The following FOXO1 variants were observed in gnomAD, a reference collection of about 807,000 sequenced individuals.
The protein encoded by FOXO1 is forkhead box O1.
Under a neutral mutation model 44.1 loss-of-function variants are expected in FOXO1, and 6 were observed. That is an observed-to-expected ratio of 0.14 (90% CI 0.07 to 0.27). The LOEUF (loss-of-function observed/expected upper bound fraction) is 0.27. FOXO1 is among the 10% of genes least tolerant of loss of function. The pLI is 1.00. For synonymous variants in FOXO1, 380 were observed against 362.7 expected (o/e 1.05, Z -0.54); for missense variants, 737 against 888.8 (o/e 0.83, Z 2.17).
At chr13:40,611,305 T>C (rs1876219314) in intron 1 of FOXO1, among the ~76,000 whole-genome samples, 1 of 152,132 alleles carries the variant, frequency 6.6e-6, no homozygotes, top group Admixed American at 6.5e-5. Context: ...CTATGGTGGG[T>C]TCAGACATTA....
chr13:40,618,163 C>T (rs1017148018), intron 1 of FOXO1, among the ~76,000 whole-genome samples: 3 of 152,150 alleles, frequency 2.0e-5, no homozygotes, highest in Non-Finnish European at 4.4e-5. Context: ...ACTGCAACCC[C>T]GCCTCCCAGG....
At chr13:40,611,120 C>T (rs1311620656) in intron 1 of FOXO1, 1 of 442,390 alleles carries the variant, frequency 2.3e-6, no homozygotes, top group Admixed American at 2.5e-5. Context: ...GGCTGTAAAA[C>T]TCATCGTGAC....
chr13:40,628,965 C>G (rs1209184119), intron 1 of FOXO1, among the ~76,000 whole-genome samples: 1 of 152,186 alleles, frequency 6.6e-6, no homozygotes, highest in East Asian at 1.9e-4. Flanking sequence ...AATACACTTA[C>G]CCAAACTCCC....
At chr13:40,644,073 A>G (rs924007213) in intron 1 of FOXO1, among the ~76,000 whole-genome samples, 1 of 152,230 alleles carries the variant, frequency 6.6e-6, no homozygotes, top group East Asian at 1.9e-4. Flanking sequence ...AATTCTGATC[A>G]TTCTGACGTG....
Position 40,559,914 on chromosome 13 carries a change from C to T in FOXO1, c.1577G>A (p.Gly526Glu). ...AACTGCAGATGTCTGCTGAGCATGT[C>T]CAGGGTGGGTATGGGAGCTGGGATT... ...MMNPSSHTHP[G>E]HAQQTSAVNG... The change falls in exon 2 of 3, where the codon GGA becomes GAA. Residue 526 changes from glycine to glutamate, a missense_variant. Gly to Glu is a moderately conservative substitution (Grantham distance 98). Around this residue, in one of 7 missense-constraint regions of FOXO1, gnomAD observed 283 missense variants for 278.1 expected, o/e 1.02. Transcript: ENST00000379561. The T allele has an allele frequency of 1.2e-6, 2 of 1,614,140 alleles. No individual in the cohort carries two copies. The highest frequency in any genetic ancestry group is 1.7e-6 in the Non-Finnish European group (2 of 1,180,028).
intron 1 of FOXO1, chr13:40,620,529 A>G (rs1876574474): frequency 4.4e-6 from 2 of 453,768 alleles, no homozygotes; most frequent in African/African-American, 2.0e-5. Flanking sequence ...TTCAACCACT[A>G]GAGAGAAGCT....
chr13:40,620,574 C>A, intron 1 of FOXO1: 4 of 430,880 alleles, frequency 9.3e-6, no homozygotes, highest in South Asian at 5.3e-5. Flanking sequence ...GAGAAATGGT[C>A]AGCATTTACC....
chr13:40,578,053 A>C (rs1193713413), intron 1 of FOXO1, among the ~76,000 whole-genome samples: 1 of 152,172 alleles, frequency 6.6e-6, no homozygotes, highest in Non-Finnish European at 1.5e-5. Context: ...TTTACCACCA[A>C]CTTCTCTTCC....
intron 1 of FOXO1, among the ~76,000 whole-genome samples, chr13:40,651,110 T>C (rs867492592): frequency 6.8e-6 from 1 of 147,848 alleles, no homozygotes; most frequent in Non-Finnish European, 1.5e-5. Context: ...TTTTTGTTTT[T>C]GTTTTTTTTT....
rs1233277648 is a variant in FOXO1, at chr13:40,559,694, T to C, written c.1797A>G (p.Pro599=). ...CAATGAACATGCCATCCAAGTCACT[T>C]GGGAGCTTCTCCTGGTGGAGAAGGC... is the stretch of plus-strand genomic sequence containing the variant. The part of the protein sequence containing the change: ...RMGLLHQEKL[P]SDLDGMFIER... Residue 599 remains proline, a synonymous_variant, in exon 2 of 3, where the codon CCA becomes CCG. Coordinates refer to ENST00000379561, the MANE Select transcript of FOXO1 (RefSeq NM_002015.4). 1.2e-6 allele frequency: 2 copies of C among 1,614,094 alleles called. No individual in the cohort carries two copies. The highest frequency in any genetic ancestry group is 1.7e-6 in the Non-Finnish European group (2 of 1,180,030).
chr13:40,637,961 G>A (rs75151225), intron 1 of FOXO1, among the ~76,000 whole-genome samples: 51 of 152,336 alleles, frequency 3.3e-4, no homozygotes, highest in African/African-American at 1.2e-3. Context: ...CTAAGATACT[G>A]GAGGCACCAC....
chr13:40,560,700 G>A lies in FOXO1; in HGVS notation c.791C>T (p.Ala264Val), dbSNP rs1873974266. The A allele has an allele frequency of 1.2e-6, 2 of 1,614,198 alleles. No homozygotes were observed. Among genetic ancestry groups the A allele is most frequent in the Admixed American group, 1.7e-5 (1 of 60,020 alleles). Residue 264 changes from alanine to valine, a missense_variant, in exon 2 of 3, where the codon GCT becomes GTT. Physicochemically the swap from Ala to Val is moderately conservative, Grantham distance 64. This residue lies in a region of FOXO1 where 136 missense variants were observed against 186.4 expected (regional missense o/e 0.73). Coordinates refer to ENST00000379561, the MANE Select transcript of FOXO1 (RefSeq NM_002015.4). The surrounding 1 kb of genome is among the most constrained non-coding windows in gnomAD (Gnocchi z 5.1). Reference sequence around the variant, plus strand: ...CTTGGCAGCTCGGCTTCGGCTCTTAGCAAATTTACTGTTGTTGTCCATGGA... The same window carrying A: ...CTTGGCAGCTCGGCTTCGGCTCTTAACAAATTTACTGTTGTTGTCCATGGA... ...AASMDNNSKFAKSRSRAAKKK... is the reference protein window; with the variant it reads ...AASMDNNSKFVKSRSRAAKKK...
At chr13:40,598,921 AC>A (rs1875701324) in intron 1 of FOXO1, among the ~76,000 whole-genome samples, 1 of 152,242 alleles carries the variant, frequency 6.6e-6, no homozygotes, top group Non-Finnish European at 1.5e-5. Context: ...ATGTCTTCCT[AC>A]TAAGTACCAT....
chr13:40,578,532 C>G (rs1874843895), intron 1 of FOXO1, among the ~76,000 whole-genome samples: 1 of 152,146 alleles, frequency 6.6e-6, no homozygotes, highest in South Asian at 2.1e-4. Flanking sequence ...ATCCTCTGGA[C>G]TCTTCCCTGC....
At chr13:40,628,959 C>T (rs1445271863) in intron 1 of FOXO1, among the ~76,000 whole-genome samples, 1 of 150,250 alleles carries the variant, frequency 6.7e-6, no homozygotes, top group Non-Finnish European at 1.5e-5. Context: ...GAATAAAATA[C>T]ACTTACCCAA....
intron 1 of FOXO1, among the ~76,000 whole-genome samples, chr13:40,650,399 G>C (rs1419600298): frequency 6.6e-6 from 1 of 152,202 alleles, no homozygotes; most frequent in Non-Finnish European, 1.5e-5. Flanking sequence ...AGCCCAGTAG[G>C]TCTCAGCCTC....
At chr13:40,656,554 A>C (rs1810069904) in intron 1 of FOXO1, among the ~76,000 whole-genome samples, 1 of 152,242 alleles carries the variant, frequency 6.6e-6, no homozygotes, top group Non-Finnish European at 1.5e-5. Context: ...AATCTGTTCT[A>C]TGTATTGCCA....
chr13:40,596,997 T>C (rs1371358672), intron 1 of FOXO1, among the ~76,000 whole-genome samples: 1 of 152,056 alleles, frequency 6.6e-6, no homozygotes, highest in Non-Finnish European at 1.5e-5. Flanking sequence ...TCATTCCACC[T>C]CCCTACATCA....
intron 1 of FOXO1, among the ~76,000 whole-genome samples, chr13:40,591,441 G>C (rs941598514): frequency 6.6e-6 from 1 of 152,144 alleles, no homozygotes; most frequent in Non-Finnish European, 1.5e-5. Context: ...TTGAGCAGCT[G>C]AAGGTCCAGA....
Sources: gnomAD v4.1 joint callset for allele counts (sites outside exome capture counted in the v4.1 genomes callset) on GRCh38, gnomAD v4.1.1 for gene constraint, gnomAD v4.1.1 regional missense constraint, Gnocchi (gnomAD v3.1) non-coding constraint, MANE v1.5 for transcripts, NCBI Gene and HGNC (gene_info 2026-07-23, HGNC 2026-07-21) for gene names.